The following EVPLL variants were observed in gnomAD, a reference collection of about 807,000 sequenced individuals.
The protein encoded by EVPLL is envoplakin like, also known as envoplakin-like protein.
A neutral mutation model predicts 46.2 loss-of-function variants in EVPLL; 39 were observed. The ratio of observed to expected loss-of-function variants is 0.84; its 90% CI spans 0.65 to 1.10. EVPLL has a LOEUF of 1.10. Among genes scored for constraint, EVPLL ranks in the 50% least tolerant of loss-of-function variants. The probability of loss-of-function intolerance (pLI) is 0.00; values close to 1 mark genes in which losing one functional copy is unlikely to be tolerated. For missense variants in EVPLL, 385 were observed against 412.6 expected (o/e 0.93, Z 0.58); for synonymous variants, 156 against 165.8 (o/e 0.94, Z 0.46).
chr17:18,379,675 C>G (rs1987495589), intron 1 of EVPLL, among the ~76,000 whole-genome samples: 2 of 152,250 alleles, frequency 1.3e-5, no homozygotes, highest in African/African-American at 2.4e-5. Flanking sequence ...TGAGCACTTA[C>G]TGCATGCCAG....
chr17:18,382,682 C>G (rs1418196536), intron 5 of EVPLL, 44 bp downstream of exon 5: 3 of 1,552,492 alleles, frequency 1.9e-6, no homozygotes, highest in Non-Finnish European at 2.6e-6. Context: ...CAGCCCCAGC[C>G]CCTGTTTTTC....
At chr17:18,380,771 C>A in intron 1 of EVPLL, 131 bp from the exon 2 acceptor site, 1 of 751,466 alleles carries the variant, frequency 1.3e-6, no homozygotes, top group Admixed American at 2.5e-5. Context: ...CAGAGAGAGA[C>A]CCCAAAGTCA....
chr17:18,388,547 G>T (rs936309585), intron 10 of EVPLL: 2 of 265,170 alleles, frequency 7.5e-6, no homozygotes, highest in Non-Finnish European at 7.4e-6. Flanking sequence ...GATGTGTGAG[G>T]CCACATCACT....
chr17:18,378,035 C>G, intron 1 of EVPLL, 52 bp downstream of exon 1: 1 of 547,348 alleles, frequency 1.8e-6, no homozygotes, highest in Non-Finnish European at 3.0e-6. Flanking sequence ...GGGGTGGTGC[C>G]AGGCCCAGGT....
intron 8 of EVPLL, 50 bp from the exon 9 acceptor site, chr17:18,383,442 T>TCGGG: frequency 2.8e-6 from 1 of 358,562 alleles, no homozygotes; most frequent in Non-Finnish European, 4.1e-6. Context: ...GGGGTGGACG[T>TCGGG]GGGTGCGGGG....
In EVPLL at chr17:18,383,155, C is replaced by A. The variant is rs1361962478; in HGVS notation, c.642C>A (p.Ala214=). 2 of 1,552,418 alleles carry A rather than the reference C, an allele frequency of 1.3e-6. No homozygotes were observed. Among genetic ancestry groups the A allele is most frequent in the South Asian group, 1.2e-5 (1 of 85,238 alleles). ...ILQQDWSDLM[A]DPAGVRREYE... is the part of the protein sequence containing the mutation. ...AGCAGGACTGGAGCGACCTCATGGC[C>A]GACCCTGCGGGCGTGCGGCGGGAAT... The change falls in exon 7 of 11, where the codon GCC becomes GCA. Residue 214 remains alanine (A), a synonymous_variant. Coordinates refer to ENST00000399134, the MANE Select transcript of EVPLL (RefSeq NM_001145127.2).
At chr17:18,386,157 G>A (rs996018888) in intron 9 of EVPLL, among the ~76,000 whole-genome samples, 1 of 152,172 alleles carries the variant, frequency 6.6e-6, no homozygotes, top group Non-Finnish European at 1.5e-5. Flanking sequence ...GGTGCGGGAA[G>A]GCTCTGTTCC....
At chr17:18,382,702 C>G in intron 5 of EVPLL, 64 bp downstream of exon 5, 1 of 1,553,716 alleles carries the variant, frequency 6.4e-7, no homozygotes, top group South Asian at 1.2e-5. Context: ...CCAGTCAGAG[C>G]CGGAGCTAGA....
chr17:18,386,978 T>C (rs1404088870), intron 9 of EVPLL, among the ~76,000 whole-genome samples: 1 of 151,118 alleles, frequency 6.6e-6, no homozygotes, highest in Non-Finnish European at 1.5e-5. Context: ...CACTGCAAGC[T>C]CCACCTCCTG....
In EVPLL at chr17:18,383,051, C is replaced by G. The variant is rs1252702342; in HGVS notation, c.538C>G (p.Pro180Ala). 2.6e-6 allele frequency: 4 copies of G among 1,559,174 alleles called. No individual in the cohort carries two copies. In the East Asian group the frequency reaches 9.5e-5, roughly 37 times the overall value. ...GGGCGGCGTCGTGGCGCGGGCAGAG[C>G]CTGGGCAGCCTGTACACGCACTGCA... ...TEGGVVARAEPGQPVHALQGC... is the reference protein window; with the variant it reads ...TEGGVVARAEAGQPVHALQGC... The change falls in exon 7 of 11, where the codon CCT becomes GCT. Residue 180 changes from proline to alanine, a missense_variant. Coordinates refer to ENST00000399134, the MANE Select transcript of EVPLL (RefSeq NM_001145127.2).
intron 9 of EVPLL, among the ~76,000 whole-genome samples, chr17:18,386,964 T>G (rs57006411): frequency 0.6 from 88,946 of 148,952 alleles, 27,107 homozygotes; most frequent in African/African-American, 0.67. Context: ...GCCTGATCTC[T>G]GCTCACTGCA....
chr17:18,385,512 C>T (rs528876226), intron 9 of EVPLL, among the ~76,000 whole-genome samples: 1 of 140,722 alleles, frequency 7.1e-6, no homozygotes, highest in Non-Finnish European at 1.5e-5. Context: ...GGAGTTGAGC[C>T]GTCTTCATTT....
rs767528259 is a variant in EVPLL, at chr17:18,383,345, G to T, written c.747G>T (p.Val249=). The change falls in exon 8 of 11, where the codon GTG becomes GTT. Residue 249 remains valine, a synonymous_variant. Transcript: ENST00000399134. ...TGGAGGAGGACGGCAAGCGCATGGT[G>T]GAGCTGCGGCACCCCGCGGTGGGGC... ...NQLEEDGKRM[V]ELRHPAVGPI... is the part of the protein sequence containing the mutation. 6.2e-6 allele frequency: 10 copies of T among 1,604,648 alleles called. No individual in the cohort carries two copies. Among genetic ancestry groups the T allele is most frequent in the Non-Finnish European group, 8.5e-6 (10 of 1,176,510 alleles).
intron 10 of EVPLL, 39 bp downstream of exon 10, chr17:18,388,327 C>G: frequency 1.1e-6 from 1 of 912,496 alleles, no homozygotes; most frequent in Non-Finnish European, 1.7e-6. Flanking sequence ...AAAGGGTCTT[C>G]TGGTTGTCTG....
chr17:18,387,623 G>A (rs2461846), intron 9 of EVPLL, among the ~76,000 whole-genome samples: 89,726 of 149,792 alleles, frequency 0.6, 27,549 homozygotes, highest in African/African-American at 0.67. Context: ...TTTATTCACA[G>A]TAGGAGGGGG....
rs1202522931 is a variant in EVPLL, at chr17:18,382,619, T to TGCG, written c.455_457dup (p.Ala152dup). ...GAGATCAACGACCAAGGAGAGCAGC[T>TGCG]GCGGAGCCTGGTGGGGCCGGTGGGT... On this transcript the variant is annotated inframe_insertion, in exon 5 of 11. Coordinates refer to ENST00000399134, the MANE Select transcript of EVPLL (RefSeq NM_001145127.2). The TGCG allele has an allele frequency of 6.4e-7, 1 of 1,551,890 alleles. No homozygotes were observed. Among genetic ancestry groups the TGCG allele is most frequent in the East Asian group, 2.4e-5 (1 of 40,936 alleles).
intron 1 of EVPLL, among the ~76,000 whole-genome samples, chr17:18,378,581 C>A (rs951374389): frequency 6.6e-6 from 1 of 152,034 alleles, no homozygotes; most frequent in African/African-American, 2.4e-5. Context: ...GAGGCCAATG[C>A]GGGAGGATTC....
chr17:18,381,794 G>A lies in EVPLL; in HGVS notation c.346+64G>A. 1 of 1,610,468 alleles carries A rather than the reference G, an allele frequency of 6.2e-7. No individual in the cohort carries two copies. Among genetic ancestry groups the A allele is most frequent in the Non-Finnish European group, 8.5e-7 (1 of 1,178,420 alleles). On this transcript the variant is annotated intron_variant, in intron 4 of 10. Transcript: ENST00000399134. This position sits in a 1 kb window ranked among gnomAD's most constrained non-coding sequence, Gnocchi z 4.2. ...GTGATACGGAACTGCATTTAACCCA[G>A]GGCCTGACTGTAGGCTTGAACAGTC...
chr17:18,381,254 G>C lies in EVPLL; in HGVS notation c.64-113G>C. On this transcript the variant is annotated intron_variant, in intron 2 of 10. Coordinates refer to ENST00000399134, the MANE Select transcript of EVPLL (RefSeq NM_001145127.2). The surrounding 1 kb of genome is among the most constrained non-coding windows in gnomAD (Gnocchi z 4.2). Reference sequence around the variant, plus strand: ...TGACCCTGTGCCTGGCGTGGGCCTCGAGGTTGGCCAGCATAGCTGGGGTCC... The same window carrying C: ...TGACCCTGTGCCTGGCGTGGGCCTCCAGGTTGGCCAGCATAGCTGGGGTCC... 1.4e-6 allele frequency: 2 copies of C among 1,440,452 alleles called. No homozygotes were observed. Among genetic ancestry groups the C allele is most frequent in the Non-Finnish European group, 1.8e-6 (2 of 1,093,818 alleles). The allele number at this position is 1,440,452 out of a possible 1,614,324, so 89.2% of individuals were successfully genotyped here. A position where few individuals can be genotyped will look rare whatever the true frequency, so the allele number is the denominator to read the frequency against.
Sources: gnomAD v4.1 joint callset for allele counts (sites outside exome capture counted in the v4.1 genomes callset) on GRCh38, gnomAD v4.1.1 for gene constraint, Gnocchi (gnomAD v3.1) non-coding constraint, MANE v1.5 for transcripts, NCBI Gene and HGNC (gene_info 2026-07-23, HGNC 2026-07-21) for gene names.